The following LNPK variants were observed in gnomAD, a reference collection of about 807,000 sequenced individuals.
LNPK encodes endoplasmic reticulum junction formation protein lunapark.
LNPK carries 29 observed loss-of-function variants against 55.2 expected under a neutral mutation model. The observed-to-expected ratio is 0.53, with a 90% CI of 0.39 to 0.72. The LOEUF is 0.72. Ranked by LOEUF, LNPK falls within the 30% of genes least tolerant of loss-of-function variation. LNPK has a pLI of 0.00. For missense variants in LNPK, 467 were observed against 494.8 expected (o/e 0.94, Z 0.53); for synonymous variants, 162 against 168.2 (o/e 0.96, Z 0.29).
chr2:175,994,741 G>A (rs999987557), intron 2 of LNPK, among the ~76,000 whole-genome samples: 10 of 151,346 alleles, frequency 6.6e-5, no homozygotes, highest in Non-Finnish European at 1.5e-4. Flanking sequence ...TCATATTTTC[G>A]AGCTGTAACT....
chr2:175,967,148 A>C (rs1465173318), intron 6 of LNPK, among the ~76,000 whole-genome samples: 1 of 152,182 alleles, frequency 6.6e-6, no homozygotes, highest in African/African-American at 2.4e-5. Context: ...TTAAAACATT[A>C]TAACATTTTT....
intron 8 of LNPK, among the ~76,000 whole-genome samples, chr2:175,962,457 G>C (rs1402892715): frequency 6.6e-6 from 1 of 152,152 alleles, no homozygotes; most frequent in African/African-American, 2.4e-5. Flanking sequence ...ATGGGGAAAA[G>C]ATTCCCTGTT....
At chr2:175,941,838 T>TAAAAAA (rs1416965879) in intron 9 of LNPK, among the ~76,000 whole-genome samples, 1 of 80,932 alleles carries the variant, frequency 1.2e-5, no homozygotes, top group Non-Finnish European at 2.5e-5. Flanking sequence ...AGAGAAATCT[T>TAAAAAA]AAAAAAAAAA....
intron 9 of LNPK, among the ~76,000 whole-genome samples, chr2:175,941,709 T>C (rs1038613572): frequency 6.0e-5 from 9 of 149,522 alleles, no homozygotes; most frequent in Non-Finnish European, 1.3e-4. Flanking sequence ...GAGAATTGCT[T>C]GAACCTGGGA....
intron 9 of LNPK, among the ~76,000 whole-genome samples, chr2:175,941,873 C>T (rs1214557035): frequency 9.0e-6 from 1 of 111,490 alleles, no homozygotes; most frequent in African/African-American, 3.6e-5. Context: ...ACATTATGTA[C>T]AGAGAAAAAG....
Position 175,930,193 on chromosome 2 carries a change from A to G in LNPK, c.1061T>C (p.Leu354Ser). 1 of 1,610,750 alleles carries G rather than the reference A, an allele frequency of 6.2e-7. No homozygotes were observed. The highest frequency in any genetic ancestry group is 8.5e-7 in the Non-Finnish European group (1 of 1,178,442). Residue 354 changes from leucine to serine, a missense_variant, in exon 13 of 13, where the codon TTA becomes TCA. Physicochemically the swap from Leu to Ser is moderately radical, Grantham distance 145. Coordinates refer to ENST00000272748, the MANE Select transcript of LNPK (RefSeq NM_030650.3). ...SSDNQFNEES[L>S]EHDVLDDNTE... Reference sequence around the variant, plus strand: ...ATTATCATCAAGAACATCGTGTTCTAAAGATTCTGAAAAGATAAAGATTCA... The same window carrying G: ...ATTATCATCAAGAACATCGTGTTCTGAAGATTCTGAAAAGATAAAGATTCA...
intron 5 of LNPK, among the ~76,000 whole-genome samples, chr2:175,974,618 G>A (rs978187601): frequency 6.6e-6 from 1 of 152,162 alleles, no homozygotes; most frequent in African/African-American, 2.4e-5. Context: ...CCAATCATGA[G>A]CTGTACAAAG....
At chr2:175,944,982 T>C (rs1050344051) in intron 9 of LNPK, among the ~76,000 whole-genome samples, 2 of 151,556 alleles carry the variant, frequency 1.3e-5, no homozygotes, top group African/African-American at 4.8e-5. Flanking sequence ...CACTGTAACC[T>C]CCACCTCCCA....
chr2:175,990,259 G>A (rs534665020), intron 4 of LNPK, among the ~76,000 whole-genome samples: 1 of 152,184 alleles, frequency 6.6e-6, no homozygotes, highest in African/African-American at 2.4e-5. Context: ...GGGGCATGGC[G>A]AGAGTTTGCC....
chr2:175,969,179 T>G (rs374853082), intron 6 of LNPK, among the ~76,000 whole-genome samples: 2 of 152,328 alleles, frequency 1.3e-5, no homozygotes, highest in Admixed American at 6.5e-5. Context: ...ATAAAGTGAA[T>G]TAGAGCCAAC....
chr2:175,982,355 C>T (rs1687214882), intron 4 of LNPK, among the ~76,000 whole-genome samples: 2 of 151,930 alleles, frequency 1.3e-5, no homozygotes, highest in African/African-American at 4.8e-5. Context: ...GTAAATACTA[C>T]AAAAATTGAA....
chr2:175,944,781 T>G (rs1685039246), intron 9 of LNPK, among the ~76,000 whole-genome samples: 1 of 152,166 alleles, frequency 6.6e-6, no homozygotes, highest in Admixed American at 6.5e-5. Context: ...TCTTATAATT[T>G]AAAGGAATAA....
intron 4 of LNPK, among the ~76,000 whole-genome samples, chr2:175,984,145 A>G (rs550901564): frequency 4.5e-4 from 68 of 151,864 alleles, no homozygotes; most frequent in African/African-American, 1.4e-3. Flanking sequence ...GATTAGGGGG[A>G]AAAAAAGCTG....
In LNPK at chr2:175,929,160, CAAG is replaced by C. The variant is rs966520862; in HGVS notation, c.*804_*806del. 62 of 978,384 alleles carry C rather than the reference CAAG, an allele frequency of 6.3e-5. No individual in the cohort carries two copies. Among genetic ancestry groups the C allele is most frequent in the Non-Finnish European group, 7.0e-5 (58 of 823,446 alleles). 60.6% of individuals were successfully genotyped at this position (978,384 alleles called of 1,614,324 possible). A position where few individuals can be genotyped will look rare whatever the true frequency, so the allele number is the denominator to read the frequency against. ...TTCATTTTCCTTAATAAAATACAAA[CAAG>C]AGCACAAAATTCACTTATATATCAT... On this transcript the variant is annotated 3_prime_UTR_variant, in exon 13 of 13. Coordinates refer to ENST00000272748, the MANE Select transcript of LNPK (RefSeq NM_030650.3).
chr2:175,966,914 C>A (rs1342568654), intron 6 of LNPK, among the ~76,000 whole-genome samples: 1 of 152,168 alleles, frequency 6.6e-6, no homozygotes, highest in African/African-American at 2.4e-5. Context: ...AAAGAGTCCA[C>A]AACAGTGCCT....
chr2:176,001,986 GGACC>G (rs1422161348), intron 1 of LNPK, among the ~76,000 whole-genome samples, 170 bp downstream of exon 1: 1 of 152,214 alleles, frequency 6.6e-6, no homozygotes, highest in Non-Finnish European at 1.5e-5. Context: ...GGGTCTGCGC[GGACC>G]ACCGCGCAGC....
intron 1 of LNPK, among the ~76,000 whole-genome samples, chr2:175,998,200 T>C (rs1188171150): frequency 9.9e-5 from 15 of 151,686 alleles, no homozygotes; most frequent in Admixed American, 9.8e-4. Context: ...TCCCAACACT[T>C]TGGGAGGCCG....
chr2:175,980,182 A>G (rs757712255), intron 4 of LNPK, among the ~76,000 whole-genome samples: 3 of 152,344 alleles, frequency 2.0e-5, no homozygotes, highest in Non-Finnish European at 2.9e-5. Context: ...GCACCCCGCA[A>G]AAGATTGAGA....
chr2:175,991,720 T>G (rs1411009673), intron 4 of LNPK, among the ~76,000 whole-genome samples: 1 of 152,198 alleles, frequency 6.6e-6, no homozygotes, highest in Admixed American at 6.5e-5. Flanking sequence ...AAACAAACTT[T>G]TTATTAAATT....
Sources: allele counts gnomAD v4.1 joint callset (sites outside exome capture counted in the v4.1 genomes callset), GRCh38; gene constraint gnomAD v4.1.1; transcripts MANE v1.5; gene names NCBI Gene and HGNC (gene_info 2026-07-23, HGNC 2026-07-21).